Variants in SLC4A10 observed in about 807,000 individuals in gnomAD.
SLC4A10 encodes sodium-driven chloride bicarbonate exchanger.
In SLC4A10, 42 loss-of-function variants were observed where a neutral mutation model predicts 137.7. That is an observed-to-expected ratio of 0.30 (90% confidence interval 0.24 to 0.39). SLC4A10 has a LOEUF of 0.39. SLC4A10 is among the 10% of genes least tolerant of loss of function. SLC4A10 has a pLI of 1.00. For missense variants in SLC4A10, 925 were observed against 1,355.0 expected, an observed-to-expected ratio of 0.68 and a Z score of 4.98; for synonymous variants, 474 against 464.1, an observed-to-expected ratio of 1.02 and a Z score of -0.27.
chr2:161,891,203 CCTTT>C (rs2062877778), intron 10 of SLC4A10, among the ~76,000 whole-genome samples: 1 of 152,110 alleles, frequency 6.6e-6, no homozygotes, highest in African/African-American at 2.4e-5. Flanking sequence ...GGTAACCCGA[CCTTT>C]CTTTCTGGCT....
chr2:161,921,191 A>C (rs999388690), intron 15 of SLC4A10, among the ~76,000 whole-genome samples: 1 of 152,174 alleles, frequency 6.6e-6, no homozygotes, highest in Non-Finnish European at 1.5e-5. Context: ...CTGCCACATG[A>C]GTTTATTGTA....
intron 1 of SLC4A10, among the ~76,000 whole-genome samples, chr2:161,654,386 G>C (rs530218640): frequency 6.6e-6 from 1 of 152,004 alleles, no homozygotes; most frequent in African/African-American, 2.4e-5. Flanking sequence ...ATTTTTGTTT[G>C]TTGTAGTTGC....
At chr2:161,835,311 A>G (rs2058697662) in intron 3 of SLC4A10, among the ~76,000 whole-genome samples, 1 of 152,172 alleles carries the variant, frequency 6.6e-6, no homozygotes, top group Admixed American at 6.5e-5. Flanking sequence ...TGCTGGGATT[A>G]CAGGCATGAA....
At chr2:161,787,688 T>C (rs1396926008) in intron 2 of SLC4A10, among the ~76,000 whole-genome samples, 1 of 152,184 alleles carries the variant, frequency 6.6e-6, no homozygotes, top group East Asian at 1.9e-4. Context: ...TGAAATTCTT[T>C]CTTCTACTTG....
At chr2:161,863,485 T>C (rs1225682212) in intron 6 of SLC4A10, among the ~76,000 whole-genome samples, 2 of 152,168 alleles carry the variant, frequency 1.3e-5, no homozygotes, top group Admixed American at 1.3e-4. Context: ...AAAAAAGATA[T>C]TGGTTTCATG....
chr2:161,719,318 G>C (rs2045339724), intron 1 of SLC4A10, among the ~76,000 whole-genome samples: 1 of 152,196 alleles, frequency 6.6e-6, no homozygotes, highest in East Asian at 1.9e-4. Context: ...GGACATTTGG[G>C]TTGGTTCCAA....
intron 1 of SLC4A10, among the ~76,000 whole-genome samples, chr2:161,723,630 A>G (rs990903075): frequency 8.5e-5 from 13 of 152,138 alleles, no homozygotes; most frequent in African/African-American, 3.1e-4. Flanking sequence ...AACAAATCTG[A>G]TCTATATCCA....
chr2:161,691,849 AAG>A (rs1250647568), intron 1 of SLC4A10, among the ~76,000 whole-genome samples: 1 of 152,138 alleles, frequency 6.6e-6, no homozygotes, highest in African/African-American at 2.4e-5. Flanking sequence ...TTTACAGGTT[AAG>A]ACACAAAACA....
chr2:161,934,041 A>G (rs1432345401), intron 15 of SLC4A10, among the ~76,000 whole-genome samples: 2 of 152,182 alleles, frequency 1.3e-5, no homozygotes, highest in African/African-American at 2.4e-5. Context: ...GCACACAGTA[A>G]GTGTGTATAT....
chr2:161,678,005 G>A (rs143081291), intron 1 of SLC4A10, among the ~76,000 whole-genome samples: 20 of 152,204 alleles, frequency 1.3e-4, no homozygotes, highest in African/African-American at 4.6e-4. Context: ...ACTTCCAAAG[G>A]CTTAGATAAG....
intron 11 of SLC4A10, among the ~76,000 whole-genome samples, chr2:161,895,186 A>G (rs1422039615): frequency 6.6e-6 from 1 of 150,980 alleles, no homozygotes; most frequent in Non-Finnish European, 1.5e-5. Flanking sequence ...CCCTTGCGAT[A>G]GTTTACTGAG....
intron 21 of SLC4A10, 150 bp downstream of exon 21, chr2:161,958,705 G>A: frequency 1.8e-6 from 1 of 556,324 alleles, no homozygotes; most frequent in Non-Finnish European, 3.1e-6. Context: ...AGTTACAAAA[G>A]TTAAAGAAGA....
At chr2:161,654,082 G>C (rs1397836194) in intron 1 of SLC4A10, among the ~76,000 whole-genome samples, 1 of 152,088 alleles carries the variant, frequency 6.6e-6, no homozygotes, top group African/African-American at 2.4e-5. Context: ...ACCACCACAG[G>C]TGTGAAGTGA....
chr2:161,799,140 T>TA (rs2055105291), intron 2 of SLC4A10, among the ~76,000 whole-genome samples: 1 of 151,844 alleles, frequency 6.6e-6, no homozygotes, highest in Admixed American at 6.6e-5. Flanking sequence ...TTGCATTACA[T>TA]AAAGTTAATT....
intron 4 of SLC4A10, among the ~76,000 whole-genome samples, chr2:161,841,269 G>C (rs2059163645): frequency 6.6e-6 from 1 of 151,952 alleles, no homozygotes; most frequent in Non-Finnish European, 1.5e-5. Flanking sequence ...GTAGAGACAG[G>C]GTTTCACCAT....
chr2:161,897,213 A>G (rs1559486734), intron 11 of SLC4A10, among the ~76,000 whole-genome samples: 1 of 151,868 alleles, frequency 6.6e-6, no homozygotes, highest in East Asian at 1.9e-4. Context: ...AAGCATTGCT[A>G]TTTTTTAGGG....
At chr2:161,897,226 A>G (rs1049183381) in intron 11 of SLC4A10, among the ~76,000 whole-genome samples, 1 of 152,054 alleles carries the variant, frequency 6.6e-6, no homozygotes, top group African/African-American at 2.4e-5. Context: ...TTTTAGGGTC[A>G]TTTTTTAAAT....
chr2:161,882,527 G>T, intron 10 of SLC4A10, 83 bp downstream of exon 10: 1 of 780,182 alleles, frequency 1.3e-6, no homozygotes, highest in South Asian at 2.4e-5. Flanking sequence ...ATGACAGTTT[G>T]TTGTGAATCA....
intron 3 of SLC4A10, among the ~76,000 whole-genome samples, chr2:161,808,916 T>C (rs1329734104): frequency 1.3e-5 from 2 of 152,176 alleles, no homozygotes; most frequent in Non-Finnish European, 2.9e-5. Flanking sequence ...TCATTTTTCT[T>C]TGAGTATATA....
Sources: gnomAD v4.1 joint callset for allele counts (sites outside exome capture counted in the v4.1 genomes callset) on GRCh38, gnomAD v4.1.1 for gene constraint, MANE v1.5 for transcripts, NCBI Gene and HGNC (gene_info 2026-07-23, HGNC 2026-07-21) for gene names.